Variants in DACH1 observed in about 807,000 individuals in gnomAD.
DACH1 encodes the protein dachshund family transcription factor 1, also known as dachshund homolog 1.
In DACH1, 12 loss-of-function variants were observed where a neutral mutation model predicts 54.2. The ratio of observed to expected loss-of-function variants is 0.22; its 90% CI spans 0.14 to 0.36. The LOEUF (loss-of-function observed/expected upper bound fraction) is 0.36, where lower values mean the gene tolerates loss of function less well. DACH1 is among the 10% of genes least tolerant of loss of function. The probability of loss-of-function intolerance (pLI) is 1.00; values close to 1 mark genes in which losing one functional copy is unlikely to be tolerated. For missense variants in DACH1, 805 were observed against 929.8 expected (o/e 0.87, Z 1.75); for synonymous variants, 386 against 366.2 (o/e 1.05, Z -0.62).
chr13:71,447,983 A>G (rs1874623181), intron 10 of DACH1, among the ~76,000 whole-genome samples: 1 of 152,234 alleles, frequency 6.6e-6, no homozygotes, highest in South Asian at 2.1e-4. Context: ...CACAATATGC[A>G]AATAGATTTC....
intron 1 of DACH1, among the ~76,000 whole-genome samples, chr13:71,779,256 TATATATGTGTATATATAC>T (rs1566495178): frequency 7.5e-5 from 5 of 66,310 alleles, no homozygotes; most frequent in African/African-American, 4.4e-4. Context: ...CGTATATACG[TATATATGTGTATATATAC>T]GTATATACGT....
intron 1 of DACH1, among the ~76,000 whole-genome samples, chr13:71,854,031 G>C (rs1873840296): frequency 6.6e-6 from 1 of 151,936 alleles, no homozygotes; most frequent in African/African-American, 2.4e-5. Context: ...AAAACAAACA[G>C]CATTCCTGTC....
intron 8 of DACH1, among the ~76,000 whole-genome samples, chr13:71,477,104 A>ATTT (rs565497537): frequency 1.4e-4 from 6 of 43,256 alleles, no homozygotes; most frequent in African/African-American, 5.1e-4. Flanking sequence ...ATATATATAT[A>ATTT]TTTTTTTTTT....
rs894570148 is a variant in DACH1 at position 71,439,086 on chromosome 13, T to C, written c.*1569A>G. On this transcript the variant is annotated 3_prime_UTR_variant, in exon 11 of 11. Transcript: ENST00000613252. ...AATTTTTTCTTAATCAAGTAATTAA[T>C]ACCCAATCAGAACTATATTTAAACA... 3 of 152,462 alleles carry C rather than the reference T, an allele frequency of 2.0e-5. No individual in the cohort carries two copies. Among genetic ancestry groups the C allele is most frequent in the Non-Finnish European group, 4.4e-5 (3 of 67,906 alleles). The allele number at this position is 152,462 out of a possible 1,614,324, so 9.4% of individuals were successfully genotyped here. A position where few individuals can be genotyped will look rare whatever the true frequency, so the allele number is the denominator to read the frequency against.
chr13:71,472,361 A>G (rs944653178), intron 10 of DACH1, among the ~76,000 whole-genome samples: 1 of 152,176 alleles, frequency 6.6e-6, no homozygotes, highest in African/African-American at 2.4e-5. Context: ...AGAAATGGTG[A>G]TACAAAATGC....
chr13:71,493,211 A>G (rs1164624636), intron 6 of DACH1, among the ~76,000 whole-genome samples: 1 of 151,948 alleles, frequency 6.6e-6, no homozygotes, highest in Non-Finnish European at 1.5e-5. Context: ...TCTAGCTTCC[A>G]TTTCTCTCTC....
At chr13:71,461,521 C>T (rs1876074416) in intron 10 of DACH1, among the ~76,000 whole-genome samples, 1 of 152,028 alleles carries the variant, frequency 6.6e-6, no homozygotes, top group Non-Finnish European at 1.5e-5. Flanking sequence ...TGCAACTTTG[C>T]ATATAAATAT....
chr13:71,565,965 G>A (rs1208958323), intron 4 of DACH1, among the ~76,000 whole-genome samples: 3 of 152,082 alleles, frequency 2.0e-5, no homozygotes, highest in Non-Finnish European at 4.4e-5. Context: ...ATCTGACAAT[G>A]AATACTGGCG....
chr13:71,755,127 G>C (rs1322485104), intron 1 of DACH1, among the ~76,000 whole-genome samples: 1 of 152,080 alleles, frequency 6.6e-6, no homozygotes, highest in Non-Finnish European at 1.5e-5. Flanking sequence ...CTGAATAGCA[G>C]TGTTCAACAG....
intron 6 of DACH1, among the ~76,000 whole-genome samples, chr13:71,546,475 C>T (rs945303188): frequency 2.6e-5 from 4 of 151,752 alleles, no homozygotes; most frequent in Non-Finnish European, 4.4e-5. Context: ...AATTATAGAA[C>T]ATTAAAACAT....
chr13:71,708,842 GT>G (rs34963811), intron 1 of DACH1, among the ~76,000 whole-genome samples: 6 of 123,596 alleles, frequency 4.9e-5, no homozygotes, highest in Non-Finnish European at 8.3e-5. Flanking sequence ...GGGTTTCCAA[GT>G]TTTTTGTTGT....
At position 71,737,579 on chromosome 13, in the gene DACH1, ATTGAC is replaced by A. The variant is rs1884195931; in HGVS notation, c.849-55674_849-55670del. Among the ~76,000 whole-genome samples, 2 of 152,196 alleles carry A rather than the reference ATTGAC, an allele frequency of 1.3e-5. 1 individual carries two copies. Among genetic ancestry groups the A allele is most frequent in the South Asian group, 4.1e-4 (2 of 4,830 alleles). On this transcript the variant is annotated intron_variant, in intron 1 of 10. Transcript: ENST00000613252. Reference sequence around the variant, plus strand: ...TAAGCCTTAAATTTTAAAAAGTTAGATTGACTTATTTTATAATCAATCAGTAACTA... The same window carrying A: ...TAAGCCTTAAATTTTAAAAAGTTAGATTATTTTATAATCAATCAGTAACTA...
At chr13:71,804,327 T>C (rs923797227) in intron 1 of DACH1, among the ~76,000 whole-genome samples, 1 of 152,016 alleles carries the variant, frequency 6.6e-6, no homozygotes, top group Admixed American at 6.6e-5. Flanking sequence ...AAGAAATACA[T>C]AATACATGCT....
At chr13:71,476,571 C>T (rs1877537405) in intron 8 of DACH1, among the ~76,000 whole-genome samples, 1 of 151,922 alleles carries the variant, frequency 6.6e-6, no homozygotes, top group Admixed American at 6.6e-5. Flanking sequence ...GCAGTATGAA[C>T]CCCCATTGCT....
intron 10 of DACH1, among the ~76,000 whole-genome samples, chr13:71,455,398 ATCT>A (rs559603223): frequency 2.6e-4 from 39 of 152,192 alleles, no homozygotes; most frequent in African/African-American, 9.2e-4. Context: ...ACCTATATAT[ATCT>A]TCTTCAGTAG....
intron 1 of DACH1, among the ~76,000 whole-genome samples, chr13:71,856,873 T>C (rs1874038109): frequency 6.6e-6 from 1 of 151,930 alleles, no homozygotes; most frequent in African/African-American, 2.4e-5. Context: ...TATGTAGACC[T>C]GCAGATTAAC....
At chr13:71,785,190 A>T (rs900221497) in intron 1 of DACH1, among the ~76,000 whole-genome samples, 5 of 152,112 alleles carry the variant, frequency 3.3e-5, no homozygotes, top group Non-Finnish European at 7.4e-5. Flanking sequence ...TACTCCATAA[A>T]ATTATTAAGA....
At chr13:71,850,284 T>C (rs1159516348) in intron 1 of DACH1, among the ~76,000 whole-genome samples, 5 of 152,218 alleles carry the variant, frequency 3.3e-5, no homozygotes, top group Admixed American at 6.5e-5. Context: ...TAATTTATGT[T>C]CATTTCATGA....
chr13:71,576,837 G>A (rs1355019130), intron 3 of DACH1, among the ~76,000 whole-genome samples: 1 of 152,072 alleles, frequency 6.6e-6, no homozygotes, highest in Non-Finnish European at 1.5e-5. Context: ...ACAGAAGCTA[G>A]CTCAGCTTTT....
Sources: gnomAD v4.1 joint callset for allele counts (sites outside exome capture counted in the v4.1 genomes callset) on GRCh38, gnomAD v4.1.1 for gene constraint, MANE v1.5 for transcripts, NCBI Gene and HGNC (gene_info 2026-07-23, HGNC 2026-07-21) for gene names.